CSPP1: variants seen among roughly 807,000 people sequenced by gnomAD.
CSPP1 encodes the protein centrosome and spindle pole-associated protein 1.
CSPP1 carries 126 observed loss-of-function variants against 164.4 expected under a neutral mutation model. That is an observed-to-expected ratio of 0.77 (90% confidence interval 0.66 to 0.89). The LOEUF (loss-of-function observed/expected upper bound fraction) is 0.89, where lower values mean the gene tolerates loss of function less well. CSPP1 is among the 40% of genes least tolerant of loss of function. The probability of loss-of-function intolerance (pLI) is 0.00; values close to 1 mark genes in which losing one functional copy is unlikely to be tolerated. For synonymous variants in CSPP1, 472 were observed against 476.7 expected, an observed-to-expected ratio of 0.99 and a Z score of 0.13; for missense variants, 1,395 against 1,449.8, an observed-to-expected ratio of 0.96 and a Z score of 0.61.
rs587777142 is a variant in CSPP1, at chr8:67,172,556, G to A, written c.2968+1G>A. The A allele has an allele frequency of 6.2e-7, 1 of 1,609,486 alleles. No homozygotes were observed. The highest frequency in any genetic ancestry group is 1.7e-5 in the Admixed American group (1 of 59,680). The stretch of plus-strand genomic sequence containing the variant: ...GATTTTAATGAGCTGAAAGATAGAG[G>A]TGAGTAGATTGCTGCTCTTTTAAAG... On this transcript the variant is annotated splice_donor_variant, in intron 25 of 30. Transcript: ENST00000678616. LOFTEE classifies it high-confidence loss of function.
At chr8:67,145,408 T>C (rs991262228) in intron 17 of CSPP1, among the ~76,000 whole-genome samples, 6 of 152,178 alleles carry the variant, frequency 3.9e-5, no homozygotes, top group African/African-American at 1.4e-4. Flanking sequence ...TTAGTTTTCA[T>C]TGATTTTTTT....
At chr8:67,117,770 A>G (rs1011870337) in intron 13 of CSPP1, among the ~76,000 whole-genome samples, 4 of 152,180 alleles carry the variant, frequency 2.6e-5, no homozygotes, top group African/African-American at 9.6e-5. Flanking sequence ...TCTTCTGGAA[A>G]GCCTTACATG....
intron 1 of CSPP1, 120 bp from the exon 2 acceptor site, chr8:67,074,123 G>A: frequency 3.3e-6 from 2 of 603,764 alleles, no homozygotes; most frequent in Non-Finnish European, 5.9e-6. Context: ...TCAATCTTAA[G>A]TTTGAATTTC....
At chr8:67,149,966 T>C in intron 18 of CSPP1, 31 bp downstream of exon 18, 2 of 1,513,456 alleles carry the variant, frequency 1.3e-6, no homozygotes, top group South Asian at 1.3e-5. Context: ...TTTTTTTTTT[T>C]TTTTTACATT....
chr8:67,177,820 C>T, intron 27 of CSPP1, 94 bp downstream of exon 27: 1 of 886,090 alleles, frequency 1.1e-6, no homozygotes, highest in East Asian at 2.4e-5. Flanking sequence ...TTGAATTATT[C>T]AGGAATATTG....
At chr8:67,137,831 T>G (rs533504541) in intron 17 of CSPP1, among the ~76,000 whole-genome samples, 1 of 152,228 alleles carries the variant, frequency 6.6e-6, no homozygotes, top group Non-Finnish European at 1.5e-5. Flanking sequence ...CATCCTCCGA[T>G]GTTGATAACC....
At chr8:67,094,086 C>G (rs1812180916) in intron 6 of CSPP1, among the ~76,000 whole-genome samples, 1 of 114,706 alleles carries the variant, frequency 8.7e-6, no homozygotes, top group Admixed American at 1.2e-4. Flanking sequence ...CCTCACTGCA[C>G]TCCAGCCTGG....
intron 24 of CSPP1, among the ~76,000 whole-genome samples, chr8:67,167,592 C>T (rs1337163742): frequency 5.0e-5 from 7 of 141,378 alleles, no homozygotes; most frequent in South Asian, 4.6e-4. Flanking sequence ...GGGCAGCTGC[C>T]GGGCGGAGGG....
intron 4 of CSPP1, among the ~76,000 whole-genome samples, chr8:67,091,449 G>A (rs1026079477): frequency 6.6e-6 from 1 of 152,100 alleles, no homozygotes; most frequent in Non-Finnish European, 1.5e-5. Flanking sequence ...TTTGCCTTGA[G>A]AACAAAAAGA....
At chr8:67,182,175 G>A (rs997944864) in intron 28 of CSPP1, among the ~76,000 whole-genome samples, 1 of 151,962 alleles carries the variant, frequency 6.6e-6, no homozygotes, top group Non-Finnish European at 1.5e-5. Flanking sequence ...AATAATTTTT[G>A]TATTTTTTGT....
intron 24 of CSPP1, among the ~76,000 whole-genome samples, chr8:67,168,169 C>T (rs186429516): frequency 1.1e-4 from 16 of 152,262 alleles, no homozygotes; most frequent in East Asian, 7.7e-4. Context: ...TGGTGGCGCG[C>T]GCCTATAATC....
intron 25 of CSPP1, chr8:67,173,683 T>C (rs1402385503): frequency 6.6e-6 from 1 of 152,244 alleles, no homozygotes; most frequent in Admixed American, 6.5e-5. Flanking sequence ...AATTGTGTTA[T>C]TTATTTAATT....
chr8:67,074,408 T>C, intron 2 of CSPP1, 57 bp downstream of exon 2: 3 of 1,049,556 alleles, frequency 2.9e-6, no homozygotes, highest in Non-Finnish European at 2.8e-6. Flanking sequence ...TGGAGATTAC[T>C]CCTGTGTAAA....
chr8:67,111,770 C>A (rs1816889835), intron 9 of CSPP1, among the ~76,000 whole-genome samples: 1 of 152,006 alleles, frequency 6.6e-6, no homozygotes, highest in African/African-American at 2.4e-5. Context: ...ATTACTGTAT[C>A]TTGTGTTTGA....
rs1818336466 is a variant in CSPP1, at chr8:67,118,368, T to C, written c.1617T>C (p.Tyr539=). The stretch of plus-strand genomic sequence containing the variant: ...ATACTTTCGATCCCAGTCTTGCTTA[T>C]TGTAAGTTATCTATAGGGTAAGCAT... ...SRNTFDPSLA[Y]YGSGMMGVQP... The change falls in exon 14 of 31, where the codon TAT becomes TAC. Residue 539 remains tyrosine (Y), a splice_region_variant and synonymous_variant. Transcript: ENST00000678616. 2 of 1,613,594 alleles carry C rather than the reference T, an allele frequency of 1.2e-6. No homozygotes were observed. Among genetic ancestry groups the C allele is most frequent in the East Asian group, 2.2e-5 (1 of 44,842 alleles).
chr8:67,177,353 A>G (rs1034216461), intron 26 of CSPP1, among the ~76,000 whole-genome samples: 3 of 152,194 alleles, frequency 2.0e-5, no homozygotes, highest in Non-Finnish European at 2.9e-5. Flanking sequence ...GTTTAACTCC[A>G]TGCAACAACT....
chr8:67,184,995 C>T (rs144137151), intron 28 of CSPP1, among the ~76,000 whole-genome samples: 18,527 of 144,970 alleles, frequency 0.13, 2,431 homozygotes, highest in African/African-American at 0.33. Flanking sequence ...GTCCCAGCTG[C>T]TCGGGAGGCT....
At chr8:67,080,672 A>C (rs1808955745) in intron 3 of CSPP1, among the ~76,000 whole-genome samples, 1 of 152,256 alleles carries the variant, frequency 6.6e-6, no homozygotes, top group African/African-American at 2.4e-5. Context: ...AATAATTCAT[A>C]AGAATGACTC....
chr8:67,189,475 CA>C (rs976330591), intron 28 of CSPP1, among the ~76,000 whole-genome samples: 2 of 152,042 alleles, frequency 1.3e-5, no homozygotes, highest in African/African-American at 4.8e-5. Flanking sequence ...TGGAAGGACC[CA>C]AAACTTATTT....
Sources: allele counts gnomAD v4.1 joint callset (sites outside exome capture counted in the v4.1 genomes callset), GRCh38; gene constraint gnomAD v4.1.1; transcripts MANE v1.5; gene names NCBI Gene and HGNC (gene_info 2026-07-23, HGNC 2026-07-21).